The following NR3C2 variants were observed in gnomAD, a reference collection of about 807,000 sequenced individuals.
NR3C2 encodes nuclear receptor subfamily 3 group C member 2.
Under a neutral mutation model 86.4 loss-of-function variants are expected in NR3C2, and 15 were observed. That is an observed-to-expected ratio of 0.17 (90% CI 0.12 to 0.27). NR3C2 has a LOEUF of 0.27. Among genes scored for constraint, NR3C2 ranks in the 10% least tolerant of loss-of-function variants. The probability of loss-of-function intolerance (pLI) is 1.00; values close to 1 mark genes in which losing one functional copy is unlikely to be tolerated. For synonymous variants in NR3C2, 458 were observed against 450.5 expected (o/e 1.02, Z -0.21); for missense variants, 960 against 1,195.6 (o/e 0.80, Z 2.91).
At chr4:148,109,167 C>T (rs774795867) in intron 8 of NR3C2, among the ~76,000 whole-genome samples, 12 of 152,094 alleles carry the variant, frequency 7.9e-5, no homozygotes, top group Non-Finnish European at 1.6e-4. Flanking sequence ...TCTGATGCCC[C>T]CTTGGAAGTT....
At chr4:148,133,030 C>T (rs1401840720) in intron 6 of NR3C2, among the ~76,000 whole-genome samples, 1 of 151,972 alleles carries the variant, frequency 6.6e-6, no homozygotes, top group East Asian at 1.9e-4. Flanking sequence ...AGGACTCCGT[C>T]TCTATTAATA....
At chr4:148,272,136 G>A (rs1260894243) in intron 2 of NR3C2, among the ~76,000 whole-genome samples, 3 of 152,110 alleles carry the variant, frequency 2.0e-5, no homozygotes, top group Non-Finnish European at 4.4e-5. Context: ...CTGATAATTA[G>A]AACTCATATT....
intron 4 of NR3C2, among the ~76,000 whole-genome samples, chr4:148,168,038 C>T (rs1734960428): frequency 6.6e-6 from 1 of 152,154 alleles, no homozygotes; most frequent in Admixed American, 6.5e-5. Flanking sequence ...TTGAGAGAGT[C>T]TGAAGAGAGA....
At chr4:148,439,611 T>C (rs773475788) in intron 1 of NR3C2, among the ~76,000 whole-genome samples, 5 of 152,214 alleles carry the variant, frequency 3.3e-5, no homozygotes, top group African/African-American at 4.8e-5. Context: ...ATTCTCCAAA[T>C]TGTCTTTTGG....
chr4:148,381,065 A>T (rs1475874009), intron 2 of NR3C2, among the ~76,000 whole-genome samples: 1 of 151,946 alleles, frequency 6.6e-6, no homozygotes, highest in Non-Finnish European at 1.5e-5. Context: ...TGTCTCTACA[A>T]AAAAATACAA....
intron 3 of NR3C2, among the ~76,000 whole-genome samples, chr4:148,221,449 C>T (rs560280347): frequency 3.3e-5 from 5 of 152,230 alleles, no homozygotes; most frequent in South Asian, 2.1e-4. Flanking sequence ...TGGTAAAAAA[C>T]GAAGCACTAG....
intron 4 of NR3C2, among the ~76,000 whole-genome samples, chr4:148,187,734 C>G (rs1315117982): frequency 1.3e-5 from 2 of 152,136 alleles, no homozygotes; most frequent in Non-Finnish European, 2.9e-5. Context: ...AAGGTCCCAA[C>G]AATTTATATT....
chr4:148,395,689 G>A (rs1186419147), intron 2 of NR3C2, among the ~76,000 whole-genome samples: 1 of 152,162 alleles, frequency 6.6e-6, no homozygotes, highest in East Asian at 1.9e-4. Context: ...ACTCATGACA[G>A]AGTAAGAAGG....
Position 148,167,496 on chromosome 4 carries a change from T to G in NR3C2, c.2015-12595A>C, listed in dbSNP as rs150765974. Among the ~76,000 whole-genome samples the G allele has an allele frequency of 1.2e-4, 18 of 152,308 alleles. No individual in the cohort carries two copies. The East Asian group carries it at 3.5e-3, about 29-fold the overall frequency. ...AGACATTCTCTTTTATAGTCAGATA[T>G]TCTCCCTTCACAGATATGATCATAG... On this transcript the variant is annotated intron_variant, in intron 4 of 8. Coordinates refer to ENST00000358102, the MANE Select transcript of NR3C2 (RefSeq NM_000901.5).
chr4:148,294,265 A>C (rs552074305), intron 2 of NR3C2, among the ~76,000 whole-genome samples: 2 of 152,316 alleles, frequency 1.3e-5, no homozygotes, highest in East Asian at 3.9e-4. Context: ...ACTAGCTGAG[A>C]CAAATGCTTA....
intron 8 of NR3C2, 127 bp from the exon 9 acceptor site, chr4:148,081,626 A>C: frequency 7.9e-7 from 1 of 1,272,366 alleles, no homozygotes. Context: ...CCATGTCTTC[A>C]TTAATTGAGC....
At chr4:148,156,289 G>C (rs1388277311) in intron 4 of NR3C2, among the ~76,000 whole-genome samples, 6 of 152,156 alleles carry the variant, frequency 3.9e-5, no homozygotes, top group Non-Finnish European at 5.9e-5. Context: ...AAGAGCTTCT[G>C]CACAGCAAAA....
At chr4:148,124,105 GC>G (rs1282841936) in intron 6 of NR3C2, among the ~76,000 whole-genome samples, 1 of 152,146 alleles carries the variant, frequency 6.6e-6, no homozygotes, top group African/African-American at 2.4e-5. Flanking sequence ...GGGCATGATG[GC>G]AGGTGCCTGT....
chr4:148,126,375 T>C (rs1181707945), intron 6 of NR3C2, among the ~76,000 whole-genome samples: 1 of 152,206 alleles, frequency 6.6e-6, no homozygotes, highest in Non-Finnish European at 1.5e-5. Flanking sequence ...GATCATTTGG[T>C]TGAAACAAAC....
intron 3 of NR3C2, among the ~76,000 whole-genome samples, chr4:148,228,805 T>G (rs1738312253): frequency 1.3e-5 from 2 of 152,144 alleles, no homozygotes. Flanking sequence ...AGACTACTGT[T>G]TATGAAACAT....
At chr4:148,149,714 G>T (rs1354787386) in intron 6 of NR3C2, among the ~76,000 whole-genome samples, 1 of 152,006 alleles carries the variant, frequency 6.6e-6, no homozygotes, top group African/African-American at 2.4e-5. Context: ...AGTACAAAAA[G>T]ACATACAATC....
intron 6 of NR3C2, among the ~76,000 whole-genome samples, chr4:148,128,855 C>T (rs1732872963): frequency 6.6e-6 from 1 of 152,210 alleles, no homozygotes; most frequent in South Asian, 2.1e-4. Flanking sequence ...CATTATGCCT[C>T]CACTGAACTC....
chr4:148,143,947 CAAAAAAAAAA>C (rs67177081), intron 6 of NR3C2, among the ~76,000 whole-genome samples: 9 of 64,436 alleles, frequency 1.4e-4, no homozygotes, highest in South Asian at 9.4e-4. Flanking sequence ...AACTCTGTCT[CAAAAAAAAAA>C]AAAAAAAAAA....
chr4:148,225,878 C>G (rs1193139138), intron 3 of NR3C2, among the ~76,000 whole-genome samples: 2 of 152,146 alleles, frequency 1.3e-5, no homozygotes, highest in Non-Finnish European at 2.9e-5. Flanking sequence ...CTCACTGGGT[C>G]ATTTTTCCTC....
Sources: allele counts gnomAD v4.1 joint callset (sites outside exome capture counted in the v4.1 genomes callset), GRCh38; gene constraint gnomAD v4.1.1; transcripts MANE v1.5; gene names NCBI Gene and HGNC (gene_info 2026-07-23, HGNC 2026-07-21).